Variants in KCNIP4 observed in about 807,000 individuals in gnomAD.
The protein encoded by KCNIP4 is Kv channel-interacting protein 4.
In KCNIP4, 12 loss-of-function variants were observed where a neutral mutation model predicts 34.0. That is an observed-to-expected ratio of 0.35 (90% CI 0.23 to 0.57). The LOEUF is 0.57. Ranked by LOEUF, KCNIP4 falls within the 20% of genes least tolerant of loss-of-function variation. The pLI is 0.83. For missense variants in KCNIP4, 238 were observed against 311.7 expected (o/e 0.76, Z 1.78); for synonymous variants, 124 against 102.2 (o/e 1.21, Z -1.29).
At chr4:20,894,181 A>G (rs1033110957) in intron 1 of KCNIP4, among the ~76,000 whole-genome samples, 6 of 152,138 alleles carry the variant, frequency 3.9e-5, no homozygotes. Flanking sequence ...GGGTTGAAGC[A>G]TTTTTAACAA....
chr4:21,728,771 G>A (rs1715382060), intron 1 of KCNIP4, among the ~76,000 whole-genome samples: 1 of 152,012 alleles, frequency 6.6e-6, no homozygotes, highest in East Asian at 1.9e-4. Flanking sequence ...ATCCTCCCCT[G>A]GGGAAGCCCT....
chr4:21,125,188 C>CTATTTTATTTTATTTTATTTTATTTTATT (rs1553942123), intron 1 of KCNIP4, among the ~76,000 whole-genome samples: 7 of 119,086 alleles, frequency 5.9e-5, no homozygotes, highest in African/African-American at 1.9e-4. Flanking sequence ...TTTATTTTGT[C>CTATTTTATTTTATTTTATTTTATTTTATT]TTATTTTATT....
intron 1 of KCNIP4, among the ~76,000 whole-genome samples, chr4:21,111,595 T>G (rs1366998823): frequency 6.6e-6 from 1 of 152,178 alleles, no homozygotes; most frequent in Non-Finnish European, 1.5e-5. Context: ...TTTCCCAAAC[T>G]CAGCGTGGCA....
chr4:21,675,610 G>C (rs536741333), intron 1 of KCNIP4, among the ~76,000 whole-genome samples: 232 of 151,968 alleles, frequency 1.5e-3, no homozygotes, highest in African/African-American at 5.4e-3. Context: ...TAAAAGAAAA[G>C]AAACACCATC....
chr4:21,496,607 C>T lies in KCNIP4; in HGVS notation c.61+451964G>A, dbSNP rs544510004. Among the ~76,000 whole-genome samples the T allele has an allele frequency of 8.5e-5, 13 of 152,328 alleles. 2 individuals are homozygous for T. The highest frequency in any genetic ancestry group is 6.8e-3 in the Middle Eastern group (2 of 294). On this transcript the variant is annotated intron_variant, in intron 1 of 8. Transcript: ENST00000382152. ...TTCTCTCCCATAATATTTCAGTAGC[C>T]TCCCATTGCCTACCTACAGCAGGGG...
chr4:21,693,096 G>A, intron 1 of KCNIP4, among the ~76,000 whole-genome samples: 2 of 96,838 alleles, frequency 2.1e-5, no homozygotes, highest in Non-Finnish European at 4.7e-5. Context: ...ATTTTGCTTA[G>A]GATCACCTCT....
At chr4:21,349,874 A>G (rs1717837625) in intron 1 of KCNIP4, among the ~76,000 whole-genome samples, 2 of 152,154 alleles carry the variant, frequency 1.3e-5, no homozygotes, top group Admixed American at 1.3e-4. Flanking sequence ...CAGGGACATT[A>G]ACTTTGATCC....
At chr4:21,610,090 G>T (rs1176409548) in intron 1 of KCNIP4, among the ~76,000 whole-genome samples, 1 of 152,232 alleles carries the variant, frequency 6.6e-6, no homozygotes, top group East Asian at 1.9e-4. Flanking sequence ...AAACCATTTT[G>T]ACTATGAACT....
chr4:21,562,020 C>T (rs762852003), intron 1 of KCNIP4, among the ~76,000 whole-genome samples: 2 of 151,810 alleles, frequency 1.3e-5, no homozygotes, highest in Non-Finnish European at 2.9e-5. Context: ...TGGGACTTTT[C>T]CTGAAACTAT....
intron 5 of KCNIP4, among the ~76,000 whole-genome samples, chr4:20,741,891 A>G (rs950401259): frequency 6.6e-6 from 1 of 152,224 alleles, no homozygotes; most frequent in Non-Finnish European, 1.5e-5. Context: ...AGGGGATATC[A>G]CCACTGATCC....
intron 3 of KCNIP4, among the ~76,000 whole-genome samples, chr4:20,794,695 C>T (rs1406983627): frequency 1.3e-5 from 2 of 152,070 alleles, no homozygotes; most frequent in African/African-American, 2.4e-5. Context: ...TTCTATTTCT[C>T]GATCTCTGTG....
At chr4:21,516,963 G>A (rs1425155553) in intron 1 of KCNIP4, among the ~76,000 whole-genome samples, 1 of 152,120 alleles carries the variant, frequency 6.6e-6, no homozygotes, top group Non-Finnish European at 1.5e-5. Flanking sequence ...GACTGGTGGA[G>A]GATTGGTACA....
intron 1 of KCNIP4, among the ~76,000 whole-genome samples, chr4:20,908,168 C>T (rs1177055447): frequency 8.7e-5 from 13 of 149,158 alleles, no homozygotes; most frequent in African/African-American, 9.9e-5. Context: ...GGCGCCATCT[C>T]GGCTCACTGC....
chr4:21,229,524 G>T (rs577481034), intron 1 of KCNIP4, among the ~76,000 whole-genome samples: 4 of 152,128 alleles, frequency 2.6e-5, no homozygotes, highest in Non-Finnish European at 5.9e-5. Flanking sequence ...CCTATAATGT[G>T]CTGTTCACAT....
At chr4:20,912,498 C>T (rs977340681) in intron 1 of KCNIP4, among the ~76,000 whole-genome samples, 10 of 151,972 alleles carry the variant, frequency 6.6e-5, no homozygotes, top group Non-Finnish European at 5.9e-5. Context: ...ACAACTAAAG[C>T]GTAAGTAAGC....
At chr4:21,589,251 T>C (rs1159012045) in intron 1 of KCNIP4, among the ~76,000 whole-genome samples, 3 of 131,228 alleles carry the variant, frequency 2.3e-5, no homozygotes, top group South Asian at 2.6e-4. Flanking sequence ...TATATACATA[T>C]ATGTATCTAT....
At chr4:21,438,176 A>G (rs1009550957) in intron 1 of KCNIP4, among the ~76,000 whole-genome samples, 2 of 152,176 alleles carry the variant, frequency 1.3e-5, no homozygotes, top group Non-Finnish European at 2.9e-5. Context: ...CTATTTACAT[A>G]CACCTCAAAG....
intron 1 of KCNIP4, among the ~76,000 whole-genome samples, chr4:21,654,103 A>C (rs1420720629): frequency 3.9e-5 from 6 of 152,230 alleles, no homozygotes; most frequent in African/African-American, 1.4e-4. Context: ...TATAATGAAA[A>C]TCAGAAGTAT....
chr4:21,726,894 G>C (rs988383680), intron 1 of KCNIP4, among the ~76,000 whole-genome samples: 7 of 152,132 alleles, frequency 4.6e-5, no homozygotes, highest in Non-Finnish European at 1.0e-4. Flanking sequence ...TCTTTCTGTA[G>C]ATTTGGGAAA....
Sources: gnomAD v4.1 joint callset for allele counts (sites outside exome capture counted in the v4.1 genomes callset) on GRCh38, gnomAD v4.1.1 for gene constraint, MANE v1.5 for transcripts, NCBI Gene and HGNC (gene_info 2026-07-23, HGNC 2026-07-21) for gene names.